Variants in INPP4B observed in about 807,000 individuals in gnomAD.
The protein encoded by INPP4B is inositol polyphosphate-4-phosphatase type II B, also known as inositol polyphosphate 4-phosphatase type II.
In INPP4B, 55 loss-of-function variants were observed where a neutral mutation model predicts 122.5. The observed-to-expected ratio is 0.45, with a 90% CI of 0.36 to 0.56. The LOEUF is 0.56. INPP4B is among the 20% of genes least tolerant of loss of function. The probability of loss-of-function intolerance (pLI) is 0.00; values close to 1 mark genes in which losing one functional copy is unlikely to be tolerated. For synonymous variants in INPP4B, 403 were observed against 388.7 expected (o/e 1.04, Z -0.43); for missense variants, 1,000 against 1,097.7 (o/e 0.91, Z 1.26).
chr4:142,738,765 G>C (rs953241818), intron 1 of INPP4B, among the ~76,000 whole-genome samples: 51 of 152,244 alleles, frequency 3.3e-4, no homozygotes, highest in African/African-American at 1.2e-3. Flanking sequence ...TTTAGCTCCA[G>C]TGTGTAGCCT....
chr4:142,603,883 T>C (rs1332550485), intron 2 of INPP4B, among the ~76,000 whole-genome samples: 1 of 145,022 alleles, frequency 6.9e-6, no homozygotes, highest in Non-Finnish European at 1.5e-5. Flanking sequence ...AGAATTATCC[T>C]AATACCAAAA....
chr4:142,312,034 G>A (rs6831744), intron 8 of INPP4B, among the ~76,000 whole-genome samples: 46,274 of 151,832 alleles, frequency 0.3, 8,267 homozygotes, highest in African/African-American at 0.5. Flanking sequence ...AGTTTGTCAC[G>A]TTACTTGCCT....
intron 1 of INPP4B, among the ~76,000 whole-genome samples, chr4:142,733,482 T>G (rs1364666619): frequency 6.6e-6 from 1 of 152,072 alleles, no homozygotes; most frequent in East Asian, 1.9e-4. Flanking sequence ...AAATATAAAC[T>G]TCACAAAAGA....
chr4:142,252,867 G>A (rs191039452), intron 11 of INPP4B, among the ~76,000 whole-genome samples: 18 of 152,210 alleles, frequency 1.2e-4, no homozygotes, highest in East Asian at 3.9e-4. Flanking sequence ...ATTTATAGTC[G>A]TGTAGTTTAA....
At chr4:142,303,872 C>G (rs1166785696) in intron 9 of INPP4B, among the ~76,000 whole-genome samples, 1 of 152,022 alleles carries the variant, frequency 6.6e-6, no homozygotes, top group Non-Finnish European at 1.5e-5. Context: ...GGGTAATACC[C>G]TAAACTTGAC....
At chr4:142,469,710 T>G (rs2149668678) in intron 2 of INPP4B, among the ~76,000 whole-genome samples, 1 of 152,262 alleles carries the variant, frequency 6.6e-6, no homozygotes, top group African/African-American at 2.4e-5. Context: ...ATTCAACAAA[T>G]ATATAATGCC....
At chr4:142,354,964 T>C (rs952554049) in intron 7 of INPP4B, among the ~76,000 whole-genome samples, 1 of 152,016 alleles carries the variant, frequency 6.6e-6, no homozygotes, top group Non-Finnish European at 1.5e-5. Flanking sequence ...GGGGTTCAGA[T>C]AGCTTGTGGC....
chr4:142,442,193 A>ACT (rs1811892477), intron 3 of INPP4B, among the ~76,000 whole-genome samples: 1 of 151,982 alleles, frequency 6.6e-6, no homozygotes, highest in African/African-American at 2.4e-5. Flanking sequence ...TGGGTGGATC[A>ACT]TGAGGTCAGG....
intron 14 of INPP4B, among the ~76,000 whole-genome samples, chr4:142,204,884 A>C (rs1320298369): frequency 6.6e-6 from 1 of 152,114 alleles, no homozygotes; most frequent in Non-Finnish European, 1.5e-5. Flanking sequence ...TTGTGAAAAA[A>C]ATAAGTTTGG....
At chr4:142,840,031 G>A (rs1053641673) in intron 1 of INPP4B, among the ~76,000 whole-genome samples, 1 of 152,138 alleles carries the variant, frequency 6.6e-6, no homozygotes, top group African/African-American at 2.4e-5. Flanking sequence ...ACTCAGCTAT[G>A]TCCCATAATT....
intron 2 of INPP4B, among the ~76,000 whole-genome samples, chr4:142,585,269 T>A (rs1011265315): frequency 3.3e-5 from 5 of 152,196 alleles, no homozygotes; most frequent in Non-Finnish European, 5.9e-5. Flanking sequence ...CTTTGTTTTG[T>A]TTTTTAGTTA....
At chr4:142,045,230 A>G (rs1329622767) in intron 25 of INPP4B, among the ~76,000 whole-genome samples, 1 of 152,122 alleles carries the variant, frequency 6.6e-6, no homozygotes, top group East Asian at 1.9e-4. Flanking sequence ...TCACATGGTA[A>G]TTTGGTTTAA....
chr4:142,113,381 T>C (rs960487244), intron 21 of INPP4B, among the ~76,000 whole-genome samples: 1 of 151,980 alleles, frequency 6.6e-6, no homozygotes, highest in Non-Finnish European at 1.5e-5. Context: ...ATATAGAAAT[T>C]TAGAAAGCTT....
intron 15 of INPP4B, among the ~76,000 whole-genome samples, chr4:142,185,814 GC>G (rs1355804132): frequency 6.8e-6 from 1 of 148,066 alleles, no homozygotes; most frequent in Non-Finnish European, 1.5e-5. Context: ...GAGAGGCGGA[GC>G]TTGCAGTGAG....
chr4:142,161,970 T>C (rs1579124561), intron 16 of INPP4B, among the ~76,000 whole-genome samples: 1 of 151,870 alleles, frequency 6.6e-6, no homozygotes, highest in Middle Eastern at 3.4e-3. Flanking sequence ...CCACCCGCCA[T>C]AAAACTAGAT....
intron 1 of INPP4B, among the ~76,000 whole-genome samples, chr4:142,804,367 A>T (rs1030988727): frequency 6.6e-6 from 1 of 151,932 alleles, no homozygotes; most frequent in Non-Finnish European, 1.5e-5. Context: ...CATACTGTGC[A>T]CTCTGCTGCT....
chr4:142,538,924 G>A (rs1042013276), intron 2 of INPP4B, among the ~76,000 whole-genome samples: 3 of 151,674 alleles, frequency 2.0e-5, no homozygotes, highest in Non-Finnish European at 2.9e-5. Flanking sequence ...TAAAATTAGT[G>A]ACAATGGTGA....
chr4:142,266,245 G>A (rs1742748847), intron 10 of INPP4B, among the ~76,000 whole-genome samples: 1 of 151,974 alleles, frequency 6.6e-6, no homozygotes, highest in Non-Finnish European at 1.5e-5. Flanking sequence ...CCTAAGACAG[G>A]GTTTCGAATG....
intron 7 of INPP4B, chr4:142,383,793 G>A (rs1795024015): frequency 5.4e-6 from 2 of 367,094 alleles, no homozygotes; most frequent in African/African-American, 2.1e-5. Flanking sequence ...AGGAGGGAAA[G>A]GAGAGGAGAT....
Sources: allele counts gnomAD v4.1 joint callset (sites outside exome capture counted in the v4.1 genomes callset), GRCh38; gene constraint gnomAD v4.1.1; transcripts MANE v1.5; gene names NCBI Gene and HGNC (gene_info 2026-07-23, HGNC 2026-07-21).